Variants in PPFIA2 observed in about 807,000 individuals in gnomAD.
The protein encoded by PPFIA2 is liprin-alpha-2.
A neutral mutation model predicts 175.5 loss-of-function variants in PPFIA2; 46 were observed. The ratio of observed to expected loss-of-function variants is 0.26; its 90% CI spans 0.21 to 0.34. The LOEUF (loss-of-function observed/expected upper bound fraction) is 0.34, where lower values mean the gene tolerates loss of function less well. Ranked by LOEUF, PPFIA2 falls within the 10% of genes least tolerant of loss-of-function variation. The pLI is 1.00. For missense variants in PPFIA2, 1,179 were observed against 1,506.1 expected (o/e 0.78, Z 3.60); for synonymous variants, 568 against 511.4 (o/e 1.11, Z -1.49).
chr12:81,492,142 A>T (rs574971126), intron 4 of PPFIA2, among the ~76,000 whole-genome samples: 2 of 152,144 alleles, frequency 1.3e-5, no homozygotes, highest in South Asian at 4.1e-4. Flanking sequence ...TTAGGAAATA[A>T]AAGCATAATG....
intron 3 of PPFIA2, among the ~76,000 whole-genome samples, chr12:81,688,208 A>G (rs2074709103): frequency 6.6e-6 from 1 of 152,026 alleles, no homozygotes; most frequent in East Asian, 1.9e-4. Flanking sequence ...TGTATTGGGT[A>G]ACATGTATAC....
At chr12:81,624,118 A>G (rs932706380) in intron 4 of PPFIA2, among the ~76,000 whole-genome samples, 5 of 151,926 alleles carry the variant, frequency 3.3e-5, no homozygotes, top group African/African-American at 7.2e-5. Flanking sequence ...CTTTACATCT[A>G]TAAGCACTTA....
At chr12:81,730,008 T>C (rs1196229067) in intron 3 of PPFIA2, among the ~76,000 whole-genome samples, 1 of 151,592 alleles carries the variant, frequency 6.6e-6, no homozygotes, top group Non-Finnish European at 1.5e-5. Flanking sequence ...ATTTTAGCTC[T>C]GTGAGAGTCT....
chr12:81,505,439 C>T (rs2061052909), intron 4 of PPFIA2, among the ~76,000 whole-genome samples: 1 of 152,136 alleles, frequency 6.6e-6, no homozygotes, highest in Non-Finnish European at 1.5e-5. Flanking sequence ...AGGTCAGAAT[C>T]CGTTACTCTA....
In PPFIA2 at chr12:81,613,085, C is replaced by T. The variant is rs954726990; in HGVS notation, c.303+63706G>A. Among the ~76,000 whole-genome samples, 7 of 152,222 alleles carry T rather than the reference C, an allele frequency of 4.6e-5. No individual in the cohort carries two copies. The South Asian group carries it at 1.2e-3, about 27-fold the overall frequency. ...GACATGTTAGTTGATTAGAAGAACT[C>T]TAATATTATAACAGAATCATTTTAT... On this transcript the variant is annotated intron_variant, in intron 4 of 32. Transcript: ENST00000549396.
chr12:81,642,777 T>C lies in PPFIA2; in HGVS notation c.303+34014A>G, dbSNP rs796147561. On this transcript the variant is annotated intron_variant, in intron 4 of 32. Coordinates refer to ENST00000549396, the MANE Select transcript of PPFIA2 (RefSeq NM_003625.5). Reference sequence around the variant, plus strand: ...ATACATACATGTATATGTATGTATGTATTATATACATACATGTATATGTAT... The same window carrying C: ...ATACATACATGTATATGTATGTATGCATTATATACATACATGTATATGTAT... Among the ~76,000 whole-genome samples the C allele has an allele frequency of 5.2e-4, 44 of 84,272 alleles. 16 individuals are homozygous for C. Among genetic ancestry groups the C allele is most frequent in the Non-Finnish European group, 9.4e-4 (35 of 37,092 alleles). The allele number at this position is 84,272 out of a possible 152,430, so 55.3% of individuals were successfully genotyped here.
chr12:81,623,590 C>A (rs888615903), intron 4 of PPFIA2, among the ~76,000 whole-genome samples: 1 of 151,858 alleles, frequency 6.6e-6, no homozygotes, highest in Non-Finnish European at 1.5e-5. Context: ...TCACCGCTTC[C>A]TTTTTTCAAA....
intron 4 of PPFIA2, among the ~76,000 whole-genome samples, chr12:81,596,972 T>A (rs1031371871): frequency 6.6e-6 from 1 of 152,116 alleles, no homozygotes; most frequent in Admixed American, 6.6e-5. Context: ...GACTTATAAT[T>A]CAGATGTGCA....
At chr12:81,616,659 C>A (rs2061445391) in intron 4 of PPFIA2, among the ~76,000 whole-genome samples, 1 of 152,116 alleles carries the variant, frequency 6.6e-6, no homozygotes, top group South Asian at 2.1e-4. Flanking sequence ...TATGGGCATA[C>A]ATTAATTTCT....
At chr12:81,441,007 G>A (rs1309380062) in intron 6 of PPFIA2, among the ~76,000 whole-genome samples, 2 of 151,372 alleles carry the variant, frequency 1.3e-5, no homozygotes, top group Non-Finnish European at 3.0e-5. Context: ...TAGTATTTGT[G>A]CAGTTAAGAT....
intron 22 of PPFIA2, among the ~76,000 whole-genome samples, chr12:81,322,072 A>G (rs1000957787): frequency 6.6e-5 from 10 of 152,206 alleles, no homozygotes; most frequent in Admixed American, 5.2e-4. Flanking sequence ...CCTAGGCTTG[A>G]GCAGTTCTCC....
chr12:81,289,983 G>A (rs534046478), intron 24 of PPFIA2, among the ~76,000 whole-genome samples: 22 of 151,746 alleles, frequency 1.4e-4, no homozygotes, highest in African/African-American at 5.3e-4. Context: ...TCATATATGT[G>A]ACATTTAAAT....
chr12:81,436,861 T>C (rs1291308307), intron 7 of PPFIA2, among the ~76,000 whole-genome samples: 1 of 152,150 alleles, frequency 6.6e-6, no homozygotes, highest in African/African-American at 2.4e-5. Context: ...TTAAGCCACA[T>C]GGACAATAGT....
intron 22 of PPFIA2, among the ~76,000 whole-genome samples, chr12:81,306,534 TTTC>T (rs2049222277): frequency 2.1e-5 from 3 of 146,100 alleles, no homozygotes; most frequent in Admixed American, 7.1e-5. Context: ...TGTTTGTTTG[TTTC>T]GTTGTTTTTT....
intron 9 of PPFIA2, among the ~76,000 whole-genome samples, chr12:81,380,746 T>C (rs983180282): frequency 6.6e-6 from 1 of 152,156 alleles, no homozygotes; most frequent in African/African-American, 2.4e-5. Flanking sequence ...GGCAAGTTAC[T>C]TTACCTCACT....
At chr12:81,414,749 T>G (rs2044627677) in intron 7 of PPFIA2, among the ~76,000 whole-genome samples, 1 of 151,608 alleles carries the variant, frequency 6.6e-6, no homozygotes, top group Admixed American at 6.6e-5. Context: ...TATAATGAAG[T>G]TGAAACACAC....
intron 11 of PPFIA2, among the ~76,000 whole-genome samples, chr12:81,373,498 C>T (rs1347102775): frequency 6.6e-6 from 1 of 151,894 alleles, no homozygotes; most frequent in Non-Finnish European, 1.5e-5. Flanking sequence ...GGTTTACTGG[C>T]ATGGTTTGTG....
intron 27 of PPFIA2, chr12:81,279,431 C>T (rs1030914367): frequency 2.6e-5 from 4 of 151,974 alleles, no homozygotes; most frequent in Non-Finnish European, 5.9e-5. Flanking sequence ...TATTGGGCAG[C>T]TTGAGATTAA....
chr12:81,741,441 AT>A (rs1310237561), intron 3 of PPFIA2, among the ~76,000 whole-genome samples: 1 of 151,844 alleles, frequency 6.6e-6, no homozygotes, highest in Non-Finnish European at 1.5e-5. Flanking sequence ...TTTATTTAGT[AT>A]TTTTTTTAAA....
Sources: gnomAD v4.1 joint callset for allele counts (sites outside exome capture counted in the v4.1 genomes callset) on GRCh38, gnomAD v4.1.1 for gene constraint, MANE v1.5 for transcripts, NCBI Gene and HGNC (gene_info 2026-07-23, HGNC 2026-07-21) for gene names.